Variants in MAGI2 observed in about 807,000 individuals in gnomAD.
MAGI2 encodes membrane associated guanylate kinase, WW and PDZ domain containing 2, also known as membrane-associated guanylate kinase, WW and PDZ domain-containing protein 2.
In MAGI2, 35 loss-of-function variants were observed where a neutral mutation model predicts 133.3. The ratio of observed to expected loss-of-function variants is 0.26; its 90% CI spans 0.20 to 0.35. The LOEUF (loss-of-function observed/expected upper bound fraction) is 0.35. Among genes scored for constraint, MAGI2 ranks in the 10% least tolerant of loss-of-function variants. MAGI2 has a pLI of 1.00. For missense variants in MAGI2, 1,636 were observed against 1,863.4 expected (o/e 0.88, Z 2.25); for synonymous variants, 729 against 710.6 (o/e 1.03, Z -0.41).
intron 1 of MAGI2, among the ~76,000 whole-genome samples, chr7:79,143,920 T>C (rs1363463304): frequency 6.6e-6 from 1 of 152,152 alleles, no homozygotes; most frequent in East Asian, 1.9e-4. Flanking sequence ...AGATTTATCT[T>C]CCAAACTGGA....
intron 3 of MAGI2, among the ~76,000 whole-genome samples, chr7:78,619,465 G>A (rs1202029310): frequency 6.6e-6 from 1 of 151,854 alleles, no homozygotes; most frequent in African/African-American, 2.4e-5. Context: ...AGGTGTCAGA[G>A]CAAGTCACTT....
intron 1 of MAGI2, among the ~76,000 whole-genome samples, chr7:79,231,838 G>A (rs1247956555): frequency 6.6e-6 from 1 of 151,594 alleles, no homozygotes; most frequent in Admixed American, 6.6e-5. Context: ...ATGTTGAATA[G>A]GAGTGGTGAG....
At chr7:79,371,288 G>A (rs1282957495) in intron 1 of MAGI2, among the ~76,000 whole-genome samples, 2 of 151,844 alleles carry the variant, frequency 1.3e-5, no homozygotes, top group African/African-American at 4.8e-5. Context: ...GTTAGTAAAT[G>A]TTTAAAAATA....
At chr7:78,106,016 T>C (rs1358840941) in intron 20 of MAGI2, among the ~76,000 whole-genome samples, 1 of 152,082 alleles carries the variant, frequency 6.6e-6, no homozygotes, top group Non-Finnish European at 1.5e-5. Flanking sequence ...TCTGCCTGCT[T>C]CACTTCCCAG....
chr7:79,028,735 A>C (rs145063566), intron 1 of MAGI2, among the ~76,000 whole-genome samples: 1 of 152,286 alleles, frequency 6.6e-6, no homozygotes, highest in Admixed American at 6.5e-5. Flanking sequence ...CATGAGTGCA[A>C]CAATATTTGC....
intron 1 of MAGI2, among the ~76,000 whole-genome samples, chr7:79,228,370 A>AAAAAAAAAAAAAAAAAAAAAAAAAAT (rs1491129211): frequency 6.8e-6 from 1 of 147,256 alleles, no homozygotes; most frequent in Non-Finnish European, 1.5e-5. Flanking sequence ...AAAAAAAAAA[A>AAAAAAAAAAAAAAAAAAAAAAAAAAT]GATCGTGGGA....
chr7:78,090,329 G>C (rs1194582004), intron 20 of MAGI2, among the ~76,000 whole-genome samples: 1 of 152,198 alleles, frequency 6.6e-6, no homozygotes, highest in Non-Finnish European at 1.5e-5. Context: ...TGGAAAGAGG[G>C]AGTGTATCTT....
At chr7:79,153,304 ACCAGGCT>A (rs1390426827) in intron 1 of MAGI2, among the ~76,000 whole-genome samples, 75 of 152,300 alleles carry the variant, frequency 4.9e-4, no homozygotes, top group Middle Eastern at 3.4e-3. Flanking sequence ...TTGAATGCCC[ACCAGGCT>A]CTGAGCACCA....
intron 2 of MAGI2, among the ~76,000 whole-genome samples, chr7:78,763,588 T>G: frequency 6.6e-6 from 1 of 152,186 alleles, no homozygotes; most frequent in East Asian, 1.9e-4. Flanking sequence ...GGACTGTGTG[T>G]GCAAAATCTT....
At chr7:78,693,366 T>C (rs1817171312) in intron 2 of MAGI2, among the ~76,000 whole-genome samples, 2 of 152,152 alleles carry the variant, frequency 1.3e-5, no homozygotes, top group South Asian at 2.1e-4. Flanking sequence ...GGCCAAAATA[T>C]ATAGTGTTAC....
chr7:79,384,784 A>T (rs1161256198), intron 1 of MAGI2, among the ~76,000 whole-genome samples: 1 of 151,736 alleles, frequency 6.6e-6, no homozygotes, highest in African/African-American at 2.4e-5. Flanking sequence ...CTTTTAGGAC[A>T]CTTTGTGTTT....
At chr7:78,124,775 A>G (rs1820804765) in intron 20 of MAGI2, among the ~76,000 whole-genome samples, 1 of 152,166 alleles carries the variant, frequency 6.6e-6, no homozygotes. Context: ...ATGAAGAATC[A>G]GTTACCCATC....
intron 1 of MAGI2, among the ~76,000 whole-genome samples, chr7:79,070,592 C>T (rs898128557): frequency 1.3e-5 from 2 of 151,734 alleles, no homozygotes; most frequent in Non-Finnish European, 2.9e-5. Flanking sequence ...CCCGGGTTTA[C>T]ACCATTCTCT....
At chr7:79,301,891 T>C (rs747686141) in intron 1 of MAGI2, among the ~76,000 whole-genome samples, 1 of 152,144 alleles carries the variant, frequency 6.6e-6, no homozygotes, top group Non-Finnish European at 1.5e-5. Flanking sequence ...TTACAAGATC[T>C]GGTCATTTAA....
At chr7:78,275,065 G>A (rs1253075028) in intron 9 of MAGI2, among the ~76,000 whole-genome samples, 1 of 152,192 alleles carries the variant, frequency 6.6e-6, no homozygotes, top group African/African-American at 2.4e-5. Flanking sequence ...GAAACCCAGG[G>A]CCCTGGTGGG....
At chr7:78,978,571 G>T (rs548049746) in intron 2 of MAGI2, among the ~76,000 whole-genome samples, 1 of 151,942 alleles carries the variant, frequency 6.6e-6, no homozygotes, top group Non-Finnish European at 1.5e-5. Flanking sequence ...TGTAATGGTG[G>T]TACATGATAT....
At chr7:78,037,266 C>T (rs1810331666) in intron 21 of MAGI2, among the ~76,000 whole-genome samples, 1 of 152,144 alleles carries the variant, frequency 6.6e-6, no homozygotes, top group Non-Finnish European at 1.5e-5. Context: ...GTCCTTAGCT[C>T]CAGCTGCAAG....
At chr7:78,253,268 C>T (rs957648758) in intron 10 of MAGI2, 1 of 152,192 alleles carries the variant, frequency 6.6e-6, no homozygotes, top group African/African-American at 2.4e-5. Context: ...ACCTCACCGA[C>T]ATAGGTAACT....
At chr7:78,411,641 G>A (rs892549339) in intron 6 of MAGI2, among the ~76,000 whole-genome samples, 10 of 151,948 alleles carry the variant, frequency 6.6e-5, no homozygotes, top group Admixed American at 2.0e-4. Context: ...CATTTCTTGC[G>A]TTGGGTTTGT....
Sources: gnomAD v4.1 joint callset for allele counts (sites outside exome capture counted in the v4.1 genomes callset) on GRCh38, gnomAD v4.1.1 for gene constraint, MANE v1.5 for transcripts, NCBI Gene and HGNC (gene_info 2026-07-23, HGNC 2026-07-21) for gene names.